The following ZFHX3 variants were observed in gnomAD, a reference collection of about 807,000 sequenced individuals.
The protein encoded by ZFHX3 is zinc finger homeobox protein 3.
In ZFHX3, 42 loss-of-function variants were observed where a neutral mutation model predicts 279.1. The observed-to-expected ratio is 0.15, with a 90% CI of 0.12 to 0.19. The LOEUF (loss-of-function observed/expected upper bound fraction) is 0.19, where lower values mean the gene tolerates loss of function less well. Ranked by LOEUF, ZFHX3 falls within the 10% of genes least tolerant of loss-of-function variation. ZFHX3 has a pLI of 1.00. For synonymous variants in ZFHX3, 2,293 were observed against 1,957.8 expected (o/e 1.17, Z -4.52); for missense variants, 4,981 against 4,754.0 (o/e 1.05, Z -1.40).
intron 3 of ZFHX3, among the ~76,000 whole-genome samples, chr16:72,898,188 C>T (rs137957936): frequency 1.1e-4 from 17 of 152,280 alleles, no homozygotes; most frequent in Middle Eastern, 6.8e-3. Context: ...TCGTCCTTGA[C>T]GCATGCTAAT....
chr16:73,351,518 C>T (rs2016241471), intron 3 of ZFHX3, among the ~76,000 whole-genome samples: 2 of 152,296 alleles, frequency 1.3e-5, no homozygotes, highest in East Asian at 1.9e-4. Flanking sequence ...CTGTTTCTTT[C>T]CCCCCAGCTG....
chr16:73,565,999 A>G (rs778050108), intron 2 of ZFHX3, among the ~76,000 whole-genome samples: 5 of 152,200 alleles, frequency 3.3e-5, no homozygotes, highest in Non-Finnish European at 5.9e-5. Flanking sequence ...CGATACTTGG[A>G]TTTAGATCCA....
chr16:73,320,480 G>C (rs1340546192), intron 3 of ZFHX3, among the ~76,000 whole-genome samples: 2 of 152,166 alleles, frequency 1.3e-5, no homozygotes, highest in Non-Finnish European at 2.9e-5. Context: ...TCTCACATTT[G>C]AGCTAGTGGG....
intron 1 of ZFHX3, among the ~76,000 whole-genome samples, chr16:73,773,047 G>T (rs947328089): frequency 6.6e-6 from 1 of 152,220 alleles, no homozygotes; most frequent in East Asian, 1.9e-4. Context: ...GCTGATCAGT[G>T]CAGGGGCTGT....
intron 2 of ZFHX3, among the ~76,000 whole-genome samples, chr16:73,646,157 T>C (rs941759121): frequency 1.3e-5 from 2 of 152,226 alleles, no homozygotes; most frequent in Non-Finnish European, 2.9e-5. Flanking sequence ...TATAACATTA[T>C]TCATAACAGT....
intron 1 of ZFHX3, among the ~76,000 whole-genome samples, chr16:73,766,715 C>G (rs1397908249): frequency 6.6e-6 from 1 of 152,146 alleles, no homozygotes; most frequent in Non-Finnish European, 1.5e-5. Context: ...AAGCACCTAT[C>G]ACTCAGGACA....
intron 5 of ZFHX3, among the ~76,000 whole-genome samples, chr16:72,816,649 A>G (rs1271933963): frequency 1.3e-5 from 2 of 152,222 alleles, no homozygotes; most frequent in East Asian, 1.9e-4. Context: ...AGAAAATTCA[A>G]AAGTCAGCTC....
chr16:73,760,781 T>C (rs760746493), intron 1 of ZFHX3, among the ~76,000 whole-genome samples: 6 of 152,124 alleles, frequency 3.9e-5, no homozygotes, highest in Admixed American at 2.0e-4. Flanking sequence ...CATCCCTTCA[T>C]GTTAAAACTC....
intron 3 of ZFHX3, among the ~76,000 whole-genome samples, chr16:73,357,124 C>G (rs2016355574): frequency 6.6e-6 from 1 of 151,920 alleles, no homozygotes; most frequent in Non-Finnish European, 1.5e-5. Context: ...GTTTCACCTT[C>G]CAAATAGATG....
At chr16:72,995,937 C>G (rs955621857) in intron 1 of ZFHX3, among the ~76,000 whole-genome samples, 1 of 152,220 alleles carries the variant, frequency 6.6e-6, no homozygotes, top group African/African-American at 2.4e-5. Context: ...GCTCAGGAGG[C>G]ACTGTCCTAT....
chr16:73,543,374 A>G (rs747156914), intron 2 of ZFHX3, among the ~76,000 whole-genome samples: 3 of 152,200 alleles, frequency 2.0e-5, no homozygotes, highest in Non-Finnish European at 4.4e-5. Context: ...GAACGCCTTC[A>G]GTTTCAATGG....
rs1309654676 is a variant in ZFHX3 at position 73,769,049 on chromosome 16, G to T, written c.-1607-88809C>A. ...GCATGTACTTAAAAAATGATTCATTGTTTATCTGAAATTCGAACTAAACTG... is the reference window on the plus strand; with the variant it reads ...GCATGTACTTAAAAAATGATTCATTTTTTATCTGAAATTCGAACTAAACTG... On this transcript the variant is annotated intron_variant, in intron 1 of 17. Transcript: ENST00000641206. Among the ~76,000 whole-genome samples the T allele has an allele frequency of 3.3e-5, 5 of 152,164 alleles. No homozygotes were observed. The East Asian group carries it at 9.7e-4, about 30-fold the overall frequency.
chr16:73,419,229 T>A (rs1269204169), intron 3 of ZFHX3, among the ~76,000 whole-genome samples: 1 of 152,234 alleles, frequency 6.6e-6, no homozygotes, highest in Non-Finnish European at 1.5e-5. Context: ...GCAGATAGTA[T>A]GCTAAGTGCG....
rs548400629 is a variant in ZFHX3 at position 73,080,265 on chromosome 16, GA to G, written c.-533+12969del. On this transcript the variant is annotated intron_variant, in intron 8 of 17. Coordinates refer to the ZFHX3 transcript ENST00000641206. ...CTGAAACCTCTAAGACAGCGGTTCA[GA>G]AAGTGTGGCTCATGGAGCTCCTACT... Among the ~76,000 whole-genome samples, 181 of 152,342 alleles carry G rather than the reference GA, an allele frequency of 1.2e-3. 2 individuals are homozygous for G. The highest frequency in any genetic ancestry group is 4.2e-3 in the African/African-American group (173 of 41,590).
chr16:73,722,809 T>C (rs921380080), intron 1 of ZFHX3, among the ~76,000 whole-genome samples: 2 of 152,186 alleles, frequency 1.3e-5, no homozygotes, highest in African/African-American at 4.8e-5. Flanking sequence ...GGGTACAGTT[T>C]ATAATTTTTA....
At chr16:73,255,284 A>G (rs1014023671) in intron 5 of ZFHX3, among the ~76,000 whole-genome samples, 17 of 152,254 alleles carry the variant, frequency 1.1e-4, no homozygotes, top group Admixed American at 6.5e-5. Context: ...TATTGGATTC[A>G]GTATTTGAGA....
At chr16:73,241,682 TGGGA>T (rs746790719) in intron 5 of ZFHX3, among the ~76,000 whole-genome samples, 9 of 148,576 alleles carry the variant, frequency 6.1e-5, no homozygotes, top group Non-Finnish European at 8.9e-5. Context: ...CCCAGCTACT[TGGGA>T]GGCTGAGGCA....
intron 1 of ZFHX3, among the ~76,000 whole-genome samples, chr16:73,888,722 T>A (rs1052485443): frequency 1.3e-5 from 2 of 152,184 alleles, no homozygotes; most frequent in Non-Finnish European, 2.9e-5. Flanking sequence ...GATACTTCTG[T>A]GGGCAGCTTT....
intron 1 of ZFHX3, among the ~76,000 whole-genome samples, chr16:73,735,515 A>C (rs1401817393): frequency 6.6e-6 from 1 of 152,144 alleles, no homozygotes; most frequent in African/African-American, 2.4e-5. Flanking sequence ...ACAATAAAAC[A>C]ACTTTTAATA....
Sources: gnomAD v4.1 joint callset for allele counts (sites outside exome capture counted in the v4.1 genomes callset) on GRCh38, gnomAD v4.1.1 for gene constraint, MANE v1.5 for transcripts, NCBI Gene and HGNC (gene_info 2026-07-23, HGNC 2026-07-21) for gene names.